NEBL: variants seen among roughly 807,000 people sequenced by gnomAD.
NEBL encodes the protein LIM and SH3 protein 2.
Under a neutral mutation model 140.2 loss-of-function variants are expected in NEBL, and 122 were observed. The ratio of observed to expected loss-of-function variants is 0.87; its 90% confidence interval spans 0.75 to 1.01. The LOEUF is 1.01. Ranked by LOEUF, NEBL falls within the 50% of genes least tolerant of loss-of-function variation. The probability of loss-of-function intolerance (pLI) is 0.00; values close to 1 mark genes in which losing one functional copy is unlikely to be tolerated. For synonymous variants in NEBL, 436 were observed against 398.9 expected (o/e 1.09, Z -1.11); for missense variants, 1,365 against 1,231.3 (o/e 1.11, Z -1.62).
chr10:21,028,786 AT>A (rs1019131200), intron 2 of NEBL, among the ~76,000 whole-genome samples: 1 of 152,042 alleles, frequency 6.6e-6, no homozygotes, highest in Non-Finnish European at 1.5e-5. Context: ...AAAAAAAAAA[AT>A]GAAGACAGAG....
intron 4 of NEBL, among the ~76,000 whole-genome samples, chr10:20,909,286 A>C (rs1848231292): frequency 6.7e-6 from 1 of 149,320 alleles, no homozygotes; most frequent in African/African-American, 2.5e-5. Flanking sequence ...CTACCTCCCC[A>C]CCACCACCCC....
At chr10:21,046,001 T>A (rs1267440949) in intron 2 of NEBL, among the ~76,000 whole-genome samples, 1 of 109,870 alleles carries the variant, frequency 9.1e-6, no homozygotes. Flanking sequence ...GATAAAAAAA[T>A]GTGGTACACA....
At chr10:21,269,878 G>A (rs895609631) in intron 1 of NEBL, among the ~76,000 whole-genome samples, 1 of 152,186 alleles carries the variant, frequency 6.6e-6, no homozygotes, top group African/African-American at 2.4e-5. Flanking sequence ...ACTTGACTTA[G>A]AGCAAATACA....
Position 21,085,387 on chromosome 10 carries a change from C to T in NEBL, c.165-65186G>A, listed in dbSNP as rs552590409. Among the ~76,000 whole-genome samples the T allele has an allele frequency of 3.3e-5, 5 of 152,140 alleles. No homozygotes were observed. In the South Asian group the frequency reaches 6.2e-4, roughly 19 times the overall value. ...CTGGAATCCCAGAAGTTTGGGAAGC[C>T]GAGGCGGAAGGACTGCTTGAAGCCA... On this transcript the variant is annotated intron_variant, in intron 2 of 6. Coordinates refer to the NEBL transcript ENST00000417816.
upstream of NEBL, among the ~76,000 whole-genome samples, chr10:21,175,392 A>C (rs1841275050): frequency 6.6e-6 from 1 of 152,242 alleles, no homozygotes; most frequent in African/African-American, 2.4e-5. Context: ...GGATTATTAT[A>C]AATTGGTTAT....
chr10:20,952,921 A>AG (rs1245787967), intron 4 of NEBL, among the ~76,000 whole-genome samples: 4 of 146,758 alleles, frequency 2.7e-5, no homozygotes, highest in Admixed American at 6.7e-5. Flanking sequence ...AAAAAAAAAA[A>AG]AAAAGAAAAA....
At chr10:21,063,428 A>T (rs1835389857) in intron 2 of NEBL, among the ~76,000 whole-genome samples, 1 of 152,236 alleles carries the variant, frequency 6.6e-6, no homozygotes, top group African/African-American at 2.4e-5. Context: ...ACATTCGAAC[A>T]GTTAGTCAAA....
intron 3 of NEBL, among the ~76,000 whole-genome samples, chr10:21,224,477 G>A (rs1435915624): frequency 6.6e-6 from 1 of 152,170 alleles, no homozygotes; most frequent in Admixed American, 6.5e-5. Context: ...TTTTTGCTCA[G>A]GATAGTTTTG....
At chr10:21,256,729 A>T (rs984605303) in intron 1 of NEBL, among the ~76,000 whole-genome samples, 1 of 152,122 alleles carries the variant, frequency 6.6e-6, no homozygotes, top group African/African-American at 2.4e-5. Flanking sequence ...TACTCAAGAG[A>T]CTGATACAGG....
At chr10:21,058,644 G>A (rs1835144044) in intron 2 of NEBL, among the ~76,000 whole-genome samples, 1 of 152,100 alleles carries the variant, frequency 6.6e-6, no homozygotes, top group African/African-American at 2.4e-5. Flanking sequence ...AATTGTCTCA[G>A]TCATCAATCT....
At position 21,050,373 on chromosome 10, in the gene NEBL, C is replaced by T. The variant is rs114144131; in HGVS notation, c.165-30172G>A. Among the ~76,000 whole-genome samples, 215 of 152,214 alleles carry T rather than the reference C, an allele frequency of 1.4e-3. 1 individual carries two copies. The highest frequency in any genetic ancestry group is 4.6e-3 in the African/African-American group (191 of 41,542). On this transcript the variant is annotated intron_variant, in intron 2 of 6. Coordinates refer to the NEBL transcript ENST00000417816. ...CATTAAAATCAATTCTCACAGCCAA[C>T]GTGTAAAATCCCTATATTATTTCCC...
chr10:21,034,387 C>T (rs533155242), intron 2 of NEBL, among the ~76,000 whole-genome samples: 1 of 152,138 alleles, frequency 6.6e-6, no homozygotes, highest in African/African-American at 2.4e-5. Flanking sequence ...GGGCTACCTC[C>T]TGTGCTCAGA....
intron 26 of NEBL, among the ~76,000 whole-genome samples, chr10:20,801,118 T>C (rs1157733686): frequency 2.6e-5 from 4 of 152,224 alleles, no homozygotes; most frequent in African/African-American, 7.2e-5. Flanking sequence ...CTATGCTCTC[T>C]CTCGTCTACC....
rs766216481 is a variant in NEBL at position 20,812,890 on chromosome 10, G to T, written c.2397C>A (p.Pro799=). ...TCTCTGTCACAGGATCGTCCACGAC[G>T]GGAGTAAAGCCTCTCCCCTTTGTTT... is the stretch of plus-strand genomic sequence containing the variant. ...FEKTKGRGFT[P]VVDDPVTERV... is the part of the protein sequence containing the mutation. The change falls in exon 24 of 28, where the codon CCC becomes CCA. Residue 799 remains proline (P), a synonymous_variant. Transcript: ENST00000377122. 6.2e-7 allele frequency: 1 copy of T among 1,613,956 alleles called. No homozygotes were observed. The highest frequency in any genetic ancestry group is 1.7e-5 in the Admixed American group (1 of 60,002).
intron 2 of NEBL, among the ~76,000 whole-genome samples, chr10:21,074,294 G>A (rs2131913543): frequency 6.6e-6 from 1 of 152,002 alleles, no homozygotes; most frequent in Non-Finnish European, 1.5e-5. Context: ...ACATCTTTAA[G>A]TCTCTTTAGA....
At chr10:21,040,051 C>A (rs1390220734) in intron 2 of NEBL, among the ~76,000 whole-genome samples, 1 of 152,148 alleles carries the variant, frequency 6.6e-6, no homozygotes, top group Non-Finnish European at 1.5e-5. Flanking sequence ...TATAAGAATA[C>A]CTGAGCCTGG....
chr10:21,031,611 A>C (rs1833797455), intron 2 of NEBL, among the ~76,000 whole-genome samples: 1 of 152,214 alleles, frequency 6.6e-6, no homozygotes, highest in African/African-American at 2.4e-5. Context: ...ATGCCTAGAA[A>C]ATCTGAACTG....
intron 3 of NEBL, among the ~76,000 whole-genome samples, chr10:21,209,589 C>G (rs961348968): frequency 6.6e-6 from 1 of 151,684 alleles, no homozygotes; most frequent in South Asian, 2.1e-4. Context: ...AAGCAGAAGT[C>G]TGCAGGATGT....
At position 21,156,873 on chromosome 10, in the gene NEBL, A is replaced by G. The variant is rs148578613; in HGVS notation, c.164+15510T>C. Reference sequence around the variant, plus strand: ...AACTACAGCCAAGGTCACAATCATGAGTTTTTCCCCCTTCTTTTTAAAATA... The same window carrying G: ...AACTACAGCCAAGGTCACAATCATGGGTTTTTCCCCCTTCTTTTTAAAATA... On this transcript the variant is annotated intron_variant, in intron 2 of 6. Coordinates refer to the NEBL transcript ENST00000417816. Among the ~76,000 whole-genome samples the G allele has an allele frequency of 1.3e-3, 198 of 152,322 alleles. 1 individual carries two copies. The highest frequency in any genetic ancestry group is 4.6e-3 in the African/African-American group (190 of 41,582).
Sources: allele counts gnomAD v4.1 joint callset (sites outside exome capture counted in the v4.1 genomes callset), GRCh38; gene constraint gnomAD v4.1.1; transcripts MANE v1.5; gene names NCBI Gene and HGNC (gene_info 2026-07-23, HGNC 2026-07-21).